The following MAPKAPK5 variants were observed in gnomAD, a reference collection of about 807,000 sequenced individuals.
MAPKAPK5 encodes the protein MAP kinase-activated protein kinase 5.
In MAPKAPK5, 30 loss-of-function variants were observed where a neutral mutation model predicts 65.1. That is an observed-to-expected ratio of 0.46 (90% CI 0.34 to 0.63). The LOEUF is 0.63. MAPKAPK5 is among the 20% of genes least tolerant of loss of function. The pLI is 0.01. For synonymous variants in MAPKAPK5, 179 were observed against 204.6 expected, an observed-to-expected ratio of 0.87 and a Z score of 1.07; for missense variants, 433 against 581.4, an observed-to-expected ratio of 0.74 and a Z score of 2.63.
rs2069877429 is a variant in MAPKAPK5 at position 111,874,205 on chromosome 12, GC to G, written c.579+3026del. On this transcript the variant is annotated intron_variant, in intron 7 of 13. Transcript: ENST00000550735. The stretch of plus-strand genomic sequence containing the variant: ...AGGTCGGGAGTTCGAGACCAGCCTG[GC>G]TGCCATGGTGAAACCCCATCTTTAC... Among the ~76,000 whole-genome samples the G allele has an allele frequency of 2.0e-5, 3 of 151,818 alleles. No homozygotes were observed. The South Asian group carries it at 6.2e-4, about 31-fold the overall frequency.
In MAPKAPK5 at chr12:111,893,249, G is replaced by T. The variant is rs2136168795; in HGVS notation, c.*188G>T. ...TTTTTAAGAAAAGCTCAGTTCTAGA[G>T]ACATACTATTACTTTAGGACTGTGT... On this transcript the variant is annotated 3_prime_UTR_variant, in exon 14 of 14. Coordinates refer to ENST00000550735, the MANE Select transcript of MAPKAPK5 (RefSeq NM_003668.4). 2.7e-6 allele frequency: 1 copy of T among 375,908 alleles called. No individual in the cohort carries two copies. Among genetic ancestry groups the T allele is most frequent in the South Asian group, 3.6e-5 (1 of 27,566 alleles). The allele number at this position is 375,908 out of a possible 1,614,324, so 23.3% of individuals were successfully genotyped here. A position where few individuals can be genotyped will look rare whatever the true frequency, so the allele number is the denominator to read the frequency against.
At chr12:111,859,342 G>A (rs1158300437) in intron 1 of MAPKAPK5, among the ~76,000 whole-genome samples, 2 of 149,206 alleles carry the variant, frequency 1.3e-5, no homozygotes, top group African/African-American at 2.5e-5. Context: ...GCAGTGGCAT[G>A]ATCTCAGCTC....
chr12:111,853,149 A>G (rs1453722340), intron 1 of MAPKAPK5, among the ~76,000 whole-genome samples: 1 of 151,912 alleles, frequency 6.6e-6, no homozygotes, highest in African/African-American at 2.4e-5. Context: ...GCGGATCACG[A>G]GGTCAGGGGA....
At chr12:111,871,824 C>T (rs1357411297) in intron 7 of MAPKAPK5, among the ~76,000 whole-genome samples, 1 of 152,174 alleles carries the variant, frequency 6.6e-6, no homozygotes, top group Non-Finnish European at 1.5e-5. Flanking sequence ...GCTGCCTGTG[C>T]CACTTTGCAG....
chr12:111,857,931 C>T (rs1352641703), intron 1 of MAPKAPK5, among the ~76,000 whole-genome samples: 1 of 151,108 alleles, frequency 6.6e-6, no homozygotes, highest in African/African-American at 2.4e-5. Flanking sequence ...CAGGGTCTTG[C>T]TCTGTTGCCT....
chr12:111,862,857 A>G (rs2069486501), intron 1 of MAPKAPK5, among the ~76,000 whole-genome samples: 1 of 152,196 alleles, frequency 6.6e-6, no homozygotes, highest in Non-Finnish European at 1.5e-5. Context: ...TGAGTGGAAC[A>G]GTTTTTACCA....
rs541587043 is a variant in MAPKAPK5, at chr12:111,846,909, G to T, written c.36+4140G>T. On this transcript the variant is annotated intron_variant, in intron 1 of 13. Transcript: ENST00000550735. The stretch of plus-strand genomic sequence containing the variant: ...TCACACTGTATATGCTTCCTATCCT[G>T]TAGTTACTTAGTAGTCATCTTGGTT... 2.0e-5 allele frequency among the ~76,000 whole-genome samples: 3 copies of T among 152,196 alleles called. No homozygotes were observed. The East Asian group carries it at 5.8e-4, about 29-fold the overall frequency.
At chr12:111,870,496 C>T (rs2069748837) in intron 6 of MAPKAPK5, 136 bp downstream of exon 6, 4 of 564,112 alleles carry the variant, frequency 7.1e-6, no homozygotes, top group East Asian at 3.0e-5. Context: ...TTCTTCAACT[C>T]GTTCCCTTGC....
intron 13 of MAPKAPK5, among the ~76,000 whole-genome samples, chr12:111,890,694 G>A (rs1193559797): frequency 6.6e-6 from 1 of 152,202 alleles, no homozygotes; most frequent in Non-Finnish European, 1.5e-5. Flanking sequence ...GTTTCACTCT[G>A]TCCCTCAGGC....
At chr12:111,873,443 A>C (rs551528626) in intron 7 of MAPKAPK5, among the ~76,000 whole-genome samples, 6 of 152,220 alleles carry the variant, frequency 3.9e-5, no homozygotes, top group South Asian at 4.1e-4. Context: ...TCCCGGGTTC[A>C]AGGAATTCTC....
At chr12:111,878,566 C>G (rs1212432620) in intron 7 of MAPKAPK5, among the ~76,000 whole-genome samples, 1 of 151,968 alleles carries the variant, frequency 6.6e-6, no homozygotes. Flanking sequence ...ATTACAGGCA[C>G]CTGCCACTAC....
intron 10 of MAPKAPK5, chr12:111,887,830 CA>C: frequency 6.6e-6 from 1 of 150,942 alleles, no homozygotes; most frequent in Admixed American, 6.6e-5. Flanking sequence ...CACACACACA[CA>C]CACACACACA....
At chr12:111,854,659 G>A (rs987271667) in intron 1 of MAPKAPK5, among the ~76,000 whole-genome samples, 3 of 152,228 alleles carry the variant, frequency 2.0e-5, no homozygotes, top group Non-Finnish European at 4.4e-5. Flanking sequence ...TAAATATGTG[G>A]TTCTCAGTGG....
chr12:111,890,003 A>G (rs745687761), intron 12 of MAPKAPK5, 37 bp from the exon 13 acceptor site: 12 of 1,343,126 alleles, frequency 8.9e-6, no homozygotes, highest in Non-Finnish European at 1.3e-5. Context: ...ATGATGCTGC[A>G]GGAAAAATGC....
chr12:111,889,940 C>T, intron 12 of MAPKAPK5, 100 bp from the exon 13 acceptor site: 3 of 731,656 alleles, frequency 4.1e-6, no homozygotes, highest in Non-Finnish European at 7.1e-6. Flanking sequence ...ATTCAGTCAA[C>T]ATTTTTCAAC....
intron 1 of MAPKAPK5, among the ~76,000 whole-genome samples, chr12:111,863,168 GAT>G (rs1358997446): frequency 2.6e-5 from 4 of 152,158 alleles, no homozygotes; most frequent in African/African-American, 9.7e-5. Context: ...TTATAGCCTA[GAT>G]AGTGCCCATA....
In MAPKAPK5 at chr12:111,901,023, A is replaced by G. The variant is rs1266607563; in HGVS notation, c.*7962A>G. On this transcript the variant is annotated 3_prime_UTR_variant, in exon 14 of 14. Coordinates refer to ENST00000550735, the MANE Select transcript of MAPKAPK5 (RefSeq NM_003668.4). ...ATATGTTCGGTGTTCAGATGGTAAT[A>G]TATTTTGTGGGAAACTTATATGTTC... 1 of 455,980 alleles carries G rather than the reference A, an allele frequency of 2.2e-6. No individual in the cohort carries two copies. The highest frequency in any genetic ancestry group is 2.4e-5 in the Admixed American group (1 of 42,550). The allele number at this position is 455,980 out of a possible 1,614,324, so 28.2% of individuals were successfully genotyped here.
chr12:111,843,319 T>C, intron 1 of MAPKAPK5: 1 of 398,596 alleles, frequency 2.5e-6, no homozygotes, highest in Non-Finnish European at 4.4e-6. Context: ...AAGCATTGAG[T>C]TTACTTAGGA....
At chr12:111,850,380 T>C (rs2069040181) in intron 1 of MAPKAPK5, among the ~76,000 whole-genome samples, 1 of 152,100 alleles carries the variant, frequency 6.6e-6, no homozygotes, top group African/African-American at 2.4e-5. Context: ...GGTGCGAGAG[T>C]GCTATAAGAA....
Sources: gnomAD v4.1 joint callset for allele counts (sites outside exome capture counted in the v4.1 genomes callset) on GRCh38, gnomAD v4.1.1 for gene constraint, MANE v1.5 for transcripts, NCBI Gene and HGNC (gene_info 2026-07-23, HGNC 2026-07-21) for gene names.